Variants in TACR1 observed in about 807,000 individuals in gnomAD.
TACR1 encodes the protein tachykinin receptor 1.
Under a neutral mutation model 35.8 loss-of-function variants are expected in TACR1, and 25 were observed. The observed-to-expected ratio is 0.70, with a 90% CI of 0.51 to 0.98. The LOEUF (loss-of-function observed/expected upper bound fraction) is 0.98, where lower values mean the gene tolerates loss of function less well. TACR1 is among the 50% of genes least tolerant of loss of function. The pLI is 0.00. For synonymous variants in TACR1, 195 were observed against 206.7 expected (o/e 0.94, Z 0.48); for missense variants, 478 against 522.9 (o/e 0.91, Z 0.84).
At chr2:75,168,722 A>T (rs1185638262) in intron 1 of TACR1, among the ~76,000 whole-genome samples, 1 of 152,222 alleles carries the variant, frequency 6.6e-6, no homozygotes, top group East Asian at 1.9e-4. Context: ...GAAAACTGAT[A>T]CAAATGGGCT....
At chr2:75,192,334 G>A (rs373429067) in intron 1 of TACR1, among the ~76,000 whole-genome samples, 9 of 152,310 alleles carry the variant, frequency 5.9e-5, no homozygotes, top group African/African-American at 2.2e-4. Flanking sequence ...AGCCTGCTAC[G>A]TGGAAGAGGC....
intron 1 of TACR1, chr2:75,189,905 G>C (rs1415483609): frequency 2.0e-5 from 3 of 152,098 alleles, no homozygotes; most frequent in Non-Finnish European, 2.9e-5. Flanking sequence ...GATTTGTTAA[G>C]CTTATAAAAA....
intron 2 of TACR1, among the ~76,000 whole-genome samples, chr2:75,115,084 CGTGTGTGTGTGTGTGT>C (rs3079164): frequency 6.7e-6 from 1 of 148,672 alleles, no homozygotes; most frequent in African/African-American, 2.5e-5. Context: ...TGTTAACATA[CGTGTGTGTGTGTGTGT>C]GTGTGTGTGT....
At chr2:75,102,274 G>T (rs1009854850) in intron 2 of TACR1, among the ~76,000 whole-genome samples, 1 of 152,162 alleles carries the variant, frequency 6.6e-6, no homozygotes, top group Non-Finnish European at 1.5e-5. Context: ...CACTCCCACA[G>T]AATTCAGTTG....
rs371323906 is a variant in TACR1 at position 75,171,635 on chromosome 2, C to T, written c.389+26911G>A. Among the ~76,000 whole-genome samples the T allele has an allele frequency of 2.4e-4, 36 of 152,328 alleles. No homozygotes were observed. The East Asian group carries it at 6.6e-3, about 28-fold the overall frequency. On this transcript the variant is annotated intron_variant, in intron 1 of 4. Transcript: ENST00000305249. ...AGGGGGACTGTACCCTGCAAAGCCA[C>T]AGGAGCAGAGCTGCCCAAGACCATG...
intron 1 of TACR1, among the ~76,000 whole-genome samples, chr2:75,122,311 G>A (rs983409480): frequency 3.9e-5 from 6 of 152,164 alleles, no homozygotes; most frequent in African/African-American, 1.2e-4. Flanking sequence ...GAAGTGTTTG[G>A]AGCTTTCTTG....
intron 3 of TACR1, 57 bp from the exon 4 acceptor site, chr2:75,051,504 C>A: frequency 6.3e-7 from 1 of 1,599,262 alleles, no homozygotes; most frequent in Non-Finnish European, 8.5e-7. Flanking sequence ...CTCACGGCTG[C>A]TTCCTCTCTC....
chr2:75,120,114 A>G lies in TACR1; in HGVS notation c.584+460T>C, dbSNP rs550680824. On this transcript the variant is annotated intron_variant, in intron 2 of 4. Transcript: ENST00000305249. ...TGAAAGCAAGTTTATGAAGAAGGTAAAGGTATAAAAGAATGGCTACTCCAT... is the reference window on the plus strand; with the variant it reads ...TGAAAGCAAGTTTATGAAGAAGGTAGAGGTATAAAAGAATGGCTACTCCAT... Among the ~76,000 whole-genome samples, 28 of 152,228 alleles carry G rather than the reference A, an allele frequency of 1.8e-4. No individual in the cohort carries two copies. The South Asian group carries it at 5.8e-3, about 32-fold the overall frequency.
intron 1 of TACR1, 152 bp from the exon 2 acceptor site, chr2:75,120,920 A>AC: frequency 1.4e-6 from 1 of 701,684 alleles, no homozygotes; most frequent in South Asian, 2.6e-5. Context: ...TCCATATTCT[A>AC]CCCTTAAGCT....
chr2:75,196,104 TAA>T (rs1353138238), intron 1 of TACR1, among the ~76,000 whole-genome samples: 1 of 152,202 alleles, frequency 6.6e-6, no homozygotes, highest in Admixed American at 6.5e-5. Context: ...CTGTTATTTT[TAA>T]AGACTTGATT....
intron 1 of TACR1, among the ~76,000 whole-genome samples, chr2:75,163,171 T>A: frequency 6.6e-6 from 1 of 152,140 alleles, no homozygotes; most frequent in East Asian, 1.9e-4. Context: ...GATCCCTGAG[T>A]CAGCAGATGG....
intron 1 of TACR1, among the ~76,000 whole-genome samples, chr2:75,161,597 GACAAA>G (rs1363082600): frequency 6.6e-6 from 1 of 152,006 alleles, no homozygotes; most frequent in Non-Finnish European, 1.5e-5. Flanking sequence ...CAAGTCATGA[GACAAA>G]ACAAAGTCAA....
At chr2:75,150,952 C>T (rs1376369503) in intron 1 of TACR1, among the ~76,000 whole-genome samples, 1 of 152,164 alleles carries the variant, frequency 6.6e-6, no homozygotes, top group Non-Finnish European at 1.5e-5. Context: ...TATGTTTTAG[C>T]AAAGAGATTG....
intron 2 of TACR1, among the ~76,000 whole-genome samples, chr2:75,076,641 A>T (rs2103824860): frequency 6.6e-6 from 1 of 152,250 alleles, no homozygotes; most frequent in Admixed American, 6.5e-5. Context: ...TGAACTGGGA[A>T]ATGCTAGTTT....
intron 2 of TACR1, among the ~76,000 whole-genome samples, chr2:75,098,392 A>G (rs1469459295): frequency 1.3e-5 from 2 of 152,178 alleles, no homozygotes; most frequent in Non-Finnish European, 2.9e-5. Context: ...AAACCAGACC[A>G]TATCATGGCA....
At chr2:75,067,546 T>TA (rs1361231910) in intron 2 of TACR1, among the ~76,000 whole-genome samples, 25 of 152,314 alleles carry the variant, frequency 1.6e-4, no homozygotes, top group Non-Finnish European at 2.9e-4. Context: ...AATAAACAGA[T>TA]ACATCAGCAA....
intron 2 of TACR1, among the ~76,000 whole-genome samples, chr2:75,061,224 G>C (rs1202642572): frequency 6.6e-6 from 1 of 151,616 alleles, no homozygotes; most frequent in African/African-American, 2.4e-5. Flanking sequence ...AGGAGGGAGA[G>C]AGACTCCAGG....
chr2:75,114,664 T>G (rs1410068293), intron 2 of TACR1, among the ~76,000 whole-genome samples: 2 of 152,248 alleles, frequency 1.3e-5, no homozygotes, highest in African/African-American at 4.8e-5. Context: ...CCTTTCTTTC[T>G]CTGTGCTTTC....
chr2:75,198,502 C>CTA (rs750093213), intron 1 of TACR1, 44 bp downstream of exon 1: 4 of 1,594,926 alleles, frequency 2.5e-6, no homozygotes, highest in Non-Finnish European at 3.4e-6. Flanking sequence ...ATGCCGTGGT[C>CTA]CTCTATGAGC....
Sources: allele counts gnomAD v4.1 joint callset (sites outside exome capture counted in the v4.1 genomes callset), GRCh38; gene constraint gnomAD v4.1.1; transcripts MANE v1.5; gene names NCBI Gene and HGNC (gene_info 2026-07-23, HGNC 2026-07-21).